Variants in KSR2 observed in about 807,000 individuals in gnomAD.
The protein encoded by KSR2 is kinase suppressor of ras 2.
In KSR2, 25 loss-of-function variants were observed where a neutral mutation model predicts 107.8. That is an observed-to-expected ratio of 0.23 (90% CI 0.17 to 0.32). The LOEUF is 0.32. Ranked by LOEUF, KSR2 falls within the 10% of genes least tolerant of loss-of-function variation. The pLI is 1.00. For missense variants in KSR2, 887 were observed against 1,268.9 expected (o/e 0.70, Z 4.57); for synonymous variants, 480 against 507.0 (o/e 0.95, Z 0.71).
At chr12:117,705,902 C>CA (rs1491102251) in intron 4 of KSR2, among the ~76,000 whole-genome samples, 3 of 152,218 alleles carry the variant, frequency 2.0e-5, no homozygotes, top group African/African-American at 7.2e-5. Flanking sequence ...CTGTGAGCCT[C>CA]AGTGTATTCT....
intron 5 of KSR2, among the ~76,000 whole-genome samples, chr12:117,592,363 T>G (rs866800759): frequency 6.6e-6 from 1 of 152,004 alleles, no homozygotes; most frequent in Non-Finnish European, 1.5e-5. Flanking sequence ...ATCCTCCCAC[T>G]TCAGCCTCCC....
intron 3 of KSR2, among the ~76,000 whole-genome samples, chr12:117,785,978 C>T (rs1890058675): frequency 6.6e-6 from 1 of 152,078 alleles, no homozygotes; most frequent in South Asian, 2.1e-4. Context: ...GCTCAGCAAA[C>T]CCCACATAGG....
At chr12:117,967,508 T>G (rs2137630213) in intron 1 of KSR2, among the ~76,000 whole-genome samples, 1 of 152,104 alleles carries the variant, frequency 6.6e-6, no homozygotes, top group Non-Finnish European at 1.5e-5. Flanking sequence ...GCATCTTGCC[T>G]CCTGACATGT....
intron 1 of KSR2, among the ~76,000 whole-genome samples, chr12:117,887,625 T>C (rs944264026): frequency 6.6e-6 from 1 of 152,062 alleles, no homozygotes; most frequent in African/African-American, 2.4e-5. Context: ...AACAAAGGAA[T>C]TGTTTAGTTA....
chr12:117,523,890 T>A (rs1874932906), intron 14 of KSR2, among the ~76,000 whole-genome samples: 1 of 152,140 alleles, frequency 6.6e-6, no homozygotes, highest in Non-Finnish European at 1.5e-5. Flanking sequence ...GAGAATCGCT[T>A]GAACCCGGGA....
chr12:117,889,452 G>A (rs1206054534), intron 1 of KSR2: 5 of 152,110 alleles, frequency 3.3e-5, no homozygotes, highest in Non-Finnish European at 7.3e-5. Flanking sequence ...GCTCTTGGGG[G>A]AAAATTAACA....
At chr12:117,706,137 G>C (rs546809442) in intron 4 of KSR2, among the ~76,000 whole-genome samples, 9 of 149,868 alleles carry the variant, frequency 6.0e-5, no homozygotes, top group Non-Finnish European at 8.9e-5. Context: ...TCTGCCCCGC[G>C]GGTTCAAACA....
chr12:117,615,389 GC>G (rs1021428042), intron 5 of KSR2, among the ~76,000 whole-genome samples: 8 of 28,950 alleles, frequency 2.8e-4, no homozygotes, highest in African/African-American at 1.3e-3. Flanking sequence ...AATGTTAAAT[GC>G]TTTGTTTTCT....
chr12:117,948,176 C>T (rs931717768), intron 1 of KSR2, among the ~76,000 whole-genome samples: 5 of 152,178 alleles, frequency 3.3e-5, no homozygotes, highest in Non-Finnish European at 7.3e-5. Context: ...AGGCCAGGCA[C>T]AGTGGCTTAT....
At chr12:117,905,918 CA>C (rs199936565) in intron 1 of KSR2, among the ~76,000 whole-genome samples, 35 of 147,070 alleles carry the variant, frequency 2.4e-4, no homozygotes, top group African/African-American at 4.0e-4. Flanking sequence ...TAATAATTAA[CA>C]AAAAAAAATG....
At chr12:117,716,203 T>A (rs1165615957) in intron 4 of KSR2, among the ~76,000 whole-genome samples, 2 of 152,236 alleles carry the variant, frequency 1.3e-5, no homozygotes, top group African/African-American at 4.8e-5. Flanking sequence ...ATCAAATCTT[T>A]CTCATTTGCC....
intron 10 of KSR2, among the ~76,000 whole-genome samples, chr12:117,537,896 T>A (rs1876161437): frequency 1.3e-5 from 2 of 152,166 alleles, no homozygotes. Context: ...TGCCAGCAGA[T>A]TCTTTAAGGG....
chr12:117,565,998 C>T (rs981576397), intron 7 of KSR2, among the ~76,000 whole-genome samples: 4 of 152,164 alleles, frequency 2.6e-5, no homozygotes, highest in Non-Finnish European at 5.9e-5. Context: ...GGGACACGTA[C>T]AGGTTTGTTA....
intron 5 of KSR2, among the ~76,000 whole-genome samples, chr12:117,647,859 C>T (rs1482992701): frequency 6.6e-6 from 1 of 152,114 alleles, no homozygotes; most frequent in Non-Finnish European, 1.5e-5. Context: ...TGCACACCAC[C>T]ACGTCTGGCT....
At chr12:117,498,357 C>T (rs1051384845) in intron 14 of KSR2, among the ~76,000 whole-genome samples, 3 of 152,092 alleles carry the variant, frequency 2.0e-5, no homozygotes, top group Non-Finnish European at 2.9e-5. Flanking sequence ...GCATTTGCTG[C>T]TTCTGTTTGG....
At position 117,508,414 on chromosome 12, in the gene KSR2, A is replaced by C. The variant is rs565905219; in HGVS notation, c.2219+16438T>G. 4.6e-5 allele frequency among the ~76,000 whole-genome samples: 7 copies of C among 152,340 alleles called. No individual in the cohort carries two copies. In the South Asian group the frequency reaches 8.3e-4, roughly 18 times the overall value. On this transcript the variant is annotated intron_variant, in intron 14 of 19. Transcript: ENST00000339824. ...CACGTTAGAGAGTAAGATTTCAACA[A>C]CTATTTGCTGAACAGCTAGGTGGCT...
intron 4 of KSR2, among the ~76,000 whole-genome samples, chr12:117,691,209 A>G (rs1885797856): frequency 1.3e-5 from 2 of 152,154 alleles, no homozygotes; most frequent in Admixed American, 1.3e-4. Flanking sequence ...GCATTTTTGG[A>G]CGCTTTGTTC....
intron 4 of KSR2, among the ~76,000 whole-genome samples, chr12:117,702,765 G>A (rs1156975487): frequency 6.6e-6 from 1 of 152,100 alleles, no homozygotes; most frequent in Non-Finnish European, 1.5e-5. Flanking sequence ...ACTTTCAAAT[G>A]GACAGAAATT....
chr12:117,782,866 G>C (rs112606156), intron 3 of KSR2, among the ~76,000 whole-genome samples: 2,070 of 152,232 alleles, frequency 0.014, 56 homozygotes, highest in African/African-American at 0.047. Context: ...AATGGGACCA[G>C]GACATCTAGA....
Sources: allele counts gnomAD v4.1 joint callset (sites outside exome capture counted in the v4.1 genomes callset), GRCh38; gene constraint gnomAD v4.1.1; transcripts MANE v1.5; gene names NCBI Gene and HGNC (gene_info 2026-07-23, HGNC 2026-07-21).